The following ECE1 variants were observed in gnomAD, a reference collection of about 807,000 sequenced individuals.
ECE1 encodes the protein endothelin converting enzyme 1.
ECE1 carries 35 observed loss-of-function variants against 98.6 expected under a neutral mutation model. The observed-to-expected ratio is 0.35, with a 90% CI of 0.27 to 0.47. The LOEUF (loss-of-function observed/expected upper bound fraction) is 0.47, where lower values mean the gene tolerates loss of function less well. ECE1 is among the 20% of genes least tolerant of loss of function. The pLI is 1.00. For synonymous variants in ECE1, 394 were observed against 407.1 expected (o/e 0.97, Z 0.39); for missense variants, 814 against 1,025.3 (o/e 0.79, Z 2.81).
chr1:21,238,604 A>G (rs903969970), intron 10 of ECE1, among the ~76,000 whole-genome samples: 1 of 152,178 alleles, frequency 6.6e-6, no homozygotes, highest in African/African-American at 2.4e-5. Flanking sequence ...TGGAATGAGA[A>G]CTGAGACGTG....
intron 1 of ECE1, among the ~76,000 whole-genome samples, chr1:21,342,605 GAT>G (rs1369107154): frequency 2.3e-4 from 19 of 81,600 alleles, no homozygotes; most frequent in Non-Finnish European, 2.7e-4. Flanking sequence ...GACACACACA[GAT>G]ACACACACAC....
At position 21,340,084 on chromosome 1, in the gene ECE1, C is replaced by G. The variant is rs1022067615; in HGVS notation, c.3+5292G>C. 9.2e-5 allele frequency among the ~76,000 whole-genome samples: 14 copies of G among 152,248 alleles called. No individual in the cohort carries two copies. The highest frequency in any genetic ancestry group is 3.4e-4 in the African/African-American group (14 of 41,468). ...ATTCCACCAAGTGTTAACACCTCTT[C>G]TGGGAAGGCTTCCCTGATACACACC... On this transcript the variant is annotated intron_variant, in intron 1 of 18. Transcript: ENST00000415912. This position sits in a 1 kb window ranked among gnomAD's most constrained non-coding sequence, Gnocchi z 4.6.
At chr1:21,325,910 G>A (rs987751801) in intron 1 of ECE1, among the ~76,000 whole-genome samples, 6 of 152,110 alleles carry the variant, frequency 3.9e-5, no homozygotes, top group East Asian at 1.9e-4. Flanking sequence ...GCTGCTCTCC[G>A]AAGCTGCCGG....
At chr1:21,339,852 C>G (rs923127956) in intron 1 of ECE1, among the ~76,000 whole-genome samples, 2 of 152,220 alleles carry the variant, frequency 1.3e-5, no homozygotes, top group Non-Finnish European at 2.9e-5. Context: ...CCCACCAAGA[C>G]AGGCCTGGGG....
At chr1:21,310,760 C>T (rs1458583373) in intron 1 of ECE1, among the ~76,000 whole-genome samples, 1 of 152,172 alleles carries the variant, frequency 6.6e-6, no homozygotes, top group African/African-American at 2.4e-5. Context: ...CCTTGGCTCT[C>T]CCAGCCCTCT....
Position 21,257,509 on chromosome 1 carries a change from G to T in ECE1, c.828+16C>A, listed in dbSNP as rs777097325. 5 of 1,614,000 alleles carry T rather than the reference G, an allele frequency of 3.1e-6. No individual in the cohort carries two copies. The highest frequency in any genetic ancestry group is 4.2e-6 in the Non-Finnish European group (5 of 1,179,934). On this transcript the variant is annotated intron_variant, in intron 7 of 18. Transcript: ENST00000374893. ...CCGTGCTGGGAGGCAGGCTGGGAGG[G>T]GAGAGGCACGCTTACCTTCTCGTTT...
At chr1:21,223,078 G>A (rs1450522948) in intron 17 of ECE1, among the ~76,000 whole-genome samples, 1 of 150,756 alleles carries the variant, frequency 6.6e-6, no homozygotes, top group African/African-American at 2.4e-5. Flanking sequence ...AGGCTCAAGC[G>A]ATCCTCCCAC....
At chr1:21,232,741 G>T (rs1250011409) in intron 14 of ECE1, among the ~76,000 whole-genome samples, 1 of 150,178 alleles carries the variant, frequency 6.7e-6, no homozygotes, top group Middle Eastern at 3.5e-3. Context: ...GCACGATCTC[G>T]GCTCACTGCA....
intron 4 of ECE1, chr1:21,266,552 C>T (rs1434263215): frequency 6.6e-6 from 1 of 152,208 alleles, no homozygotes; most frequent in Non-Finnish European, 1.5e-5. Flanking sequence ...GCGGATATCA[C>T]CATCCCATTT....
Position 21,225,263 on chromosome 1 carries a change from T to C in ECE1, c.2027A>G (p.Lys676Arg), listed in dbSNP as rs1442020040. 10 of 1,613,998 alleles carry C rather than the reference T, an allele frequency of 6.2e-6. No homozygotes were observed. The highest frequency in any genetic ancestry group is 7.6e-6 in the Non-Finnish European group (9 of 1,180,040). ...CGGGGCTCTCACCCGATAGGCCGCC[T>C]TGAGACCCCCGTTGTCGGCGATGTT... ...GENIADNGGL[K>R]AAYRAYQNWV... Residue 676 changes from lysine (K) to arginine (R), a missense_variant, in exon 17 of 19, where the codon AAG becomes AGG. Coordinates refer to ENST00000374893, the MANE Select transcript of ECE1 (RefSeq NM_001397.3). The surrounding 1 kb of genome is among the most constrained non-coding windows in gnomAD (Gnocchi z 5.3).
chr1:21,229,279 G>A (rs1353621611), intron 14 of ECE1, among the ~76,000 whole-genome samples: 2 of 151,776 alleles, frequency 1.3e-5, no homozygotes, highest in African/African-American at 2.4e-5. Flanking sequence ...AAACTCCTGG[G>A]CTCAAGCTAT....
chr1:21,334,339 C>G (rs901952466), intron 1 of ECE1, among the ~76,000 whole-genome samples: 7 of 152,224 alleles, frequency 4.6e-5, no homozygotes, highest in African/African-American at 1.7e-4. Context: ...AACAGGATGC[C>G]GAGTAACCAC....
In ECE1 at chr1:21,262,801, G is replaced by A. The variant is rs2098228769; in HGVS notation, c.494-2409C>T. ...TCGCTGAGAGGCTGCCACAGGCCAG[G>A]TTCAAACTCCATTCCTTTGGCCCCC... On this transcript the variant is annotated intron_variant, in intron 4 of 18. Transcript: ENST00000374893. Among the ~76,000 whole-genome samples the A allele has an allele frequency of 4.6e-5, 7 of 152,230 alleles. No homozygotes were observed. In the South Asian group the frequency reaches 1.5e-3, roughly 32 times the overall value.
intron 1 of ECE1, among the ~76,000 whole-genome samples, chr1:21,338,433 T>C (rs1228933266): frequency 6.6e-6 from 1 of 152,220 alleles, no homozygotes. Flanking sequence ...AAATGGGTAC[T>C]GCTAGGCTCT....
rs192999682 is a variant in ECE1, at chr1:21,306,367, G to T, written c.4-16211C>A. 2.7e-5 allele frequency among the ~76,000 whole-genome samples: 4 copies of T among 148,386 alleles called. No individual in the cohort carries two copies. The East Asian group carries it at 7.8e-4, about 29-fold the overall frequency. On this transcript the variant is annotated intron_variant, in intron 1 of 18. Transcript: ENST00000415912. ...TTTTTCAGATGGAGTTTGGAGTTTC[G>T]CTCTTGTTGCCCAGGCTGGAGTGCA... is the stretch of plus-strand genomic sequence containing the variant.
At chr1:21,294,706 C>T (rs187735515), upstream of ECE1, among the ~76,000 whole-genome samples, 5 of 152,296 alleles carry the variant, frequency 3.3e-5, no homozygotes, top group East Asian at 5.8e-4. This position sits in a 1 kb window ranked among gnomAD's most constrained non-coding sequence, Gnocchi z 4.2. Context: ...TTTGCCCAGA[C>T]GACATTAGTC....
chr1:21,255,606 C>T lies in ECE1; in HGVS notation c.1020+341G>A, dbSNP rs142279889. ...ATTAAGTGCTCACTGTAACCAAGTT[C>T]GATGTGCTTGGTGCTGGAGAGACTG... On this transcript the variant is annotated intron_variant, in intron 8 of 18. Transcript: ENST00000374893. 1.7e-3 allele frequency among the ~76,000 whole-genome samples: 258 copies of T among 152,302 alleles called. 1 individual carries two copies. The highest frequency in any genetic ancestry group is 5.7e-3 in the African/African-American group (237 of 41,550).
intron 9 of ECE1, among the ~76,000 whole-genome samples, chr1:21,245,374 C>A (rs2098202009): frequency 6.6e-6 from 1 of 151,990 alleles, no homozygotes; most frequent in African/African-American, 2.4e-5. Context: ...TGTTGCCTAG[C>A]TGCTCTGTGT....
At chr1:21,292,820 C>T (rs549036859), upstream of ECE1, among the ~76,000 whole-genome samples, 1 of 152,336 alleles carries the variant, frequency 6.6e-6, no homozygotes, top group South Asian at 2.1e-4. Flanking sequence ...AGGCAGGGTG[C>T]ATGGGAAAGC....
Sources: gnomAD v4.1 joint callset for allele counts (sites outside exome capture counted in the v4.1 genomes callset) on GRCh38, gnomAD v4.1.1 for gene constraint, Gnocchi (gnomAD v3.1) non-coding constraint, MANE v1.5 for transcripts, NCBI Gene and HGNC (gene_info 2026-07-23, HGNC 2026-07-21) for gene names.